Variants in BBS9 observed in about 807,000 individuals in gnomAD.
BBS9 encodes protein PTHB1.
In BBS9, 89 loss-of-function variants were observed where a neutral mutation model predicts 117.7. The observed-to-expected ratio is 0.76, with a 90% CI of 0.64 to 0.90. The LOEUF is 0.90. Ranked by LOEUF, BBS9 falls within the 40% of genes least tolerant of loss-of-function variation. The pLI is 0.00. For synonymous variants in BBS9, 379 were observed against 370.9 expected, an observed-to-expected ratio of 1.02 and a Z score of -0.25; for missense variants, 982 against 1,042.2, an observed-to-expected ratio of 0.94 and a Z score of 0.80.
intron 9 of BBS9, among the ~76,000 whole-genome samples, chr7:33,290,058 A>T (rs1279703226): frequency 6.7e-6 from 1 of 149,874 alleles, no homozygotes; most frequent in African/African-American, 2.4e-5. Flanking sequence ...AAAAAAAAAA[A>T]ATTTTTTTAG....
chr7:33,567,797 G>A lies in BBS9; in HGVS notation c.2521+33621G>A, dbSNP rs544481121. 5.9e-5 allele frequency among the ~76,000 whole-genome samples: 9 copies of A among 152,082 alleles called. No homozygotes were observed. In the South Asian group the frequency reaches 6.3e-4, roughly 11 times the overall value. ...CTGAAGTCATTATCTTCCATACCCC[G>A]TCTTACCCCAAAACCTACTTCTCTT... On this transcript the variant is annotated intron_variant, in intron 21 of 22. Coordinates refer to ENST00000242067, the MANE Select transcript of BBS9 (RefSeq NM_198428.3).
At chr7:33,611,726 A>C (rs1268956084) in intron 21 of BBS9, among the ~76,000 whole-genome samples, 3 of 139,454 alleles carry the variant, frequency 2.2e-5, no homozygotes, top group Non-Finnish European at 4.6e-5. Context: ...TATATATAAT[A>C]TTAAAGGATT....
chr7:33,423,601 A>G (rs542826750), intron 19 of BBS9, among the ~76,000 whole-genome samples: 36 of 151,686 alleles, frequency 2.4e-4, no homozygotes, highest in African/African-American at 8.7e-4. Context: ...CAGCAACACA[A>G]TTCAGAGTCA....
chr7:33,379,518 T>C (rs1000673837), intron 17 of BBS9, among the ~76,000 whole-genome samples: 1 of 152,188 alleles, frequency 6.6e-6, no homozygotes, highest in African/African-American at 2.4e-5. Context: ...ACTGAATGAA[T>C]TGAATTTTCT....
chr7:33,630,291 C>CA (rs1471469280), intron 21 of BBS9, among the ~76,000 whole-genome samples: 2 of 151,728 alleles, frequency 1.3e-5, no homozygotes, highest in Non-Finnish European at 1.5e-5. Flanking sequence ...TGAAACAGAA[C>CA]AAAAAATAAA....
chr7:33,222,719 G>A (rs1790481602), intron 5 of BBS9, among the ~76,000 whole-genome samples: 1 of 151,882 alleles, frequency 6.6e-6, no homozygotes, highest in South Asian at 2.1e-4. Context: ...AGGCTGAGGT[G>A]GGTGGATCAC....
chr7:33,183,100 G>A (rs535137485), intron 5 of BBS9, among the ~76,000 whole-genome samples: 49 of 152,196 alleles, frequency 3.2e-4, no homozygotes, highest in African/African-American at 1.2e-3. Flanking sequence ...GAAATCTCTC[G>A]CATAATATGA....
chr7:33,443,180 T>G (rs1229690493), intron 19 of BBS9, among the ~76,000 whole-genome samples: 1 of 152,136 alleles, frequency 6.6e-6, no homozygotes, highest in African/African-American at 2.4e-5. Flanking sequence ...GAACTTGTTT[T>G]AAGCCAAATA....
intron 21 of BBS9, among the ~76,000 whole-genome samples, chr7:33,556,527 C>A (rs1018060888): frequency 6.6e-6 from 1 of 152,160 alleles, no homozygotes; most frequent in African/African-American, 2.4e-5. Flanking sequence ...ATTTTCCCAG[C>A]TGTTTAAATG....
intron 21 of BBS9, among the ~76,000 whole-genome samples, chr7:33,552,116 ATAT>A (rs1285619873): frequency 2.6e-5 from 4 of 152,130 alleles, no homozygotes; most frequent in Admixed American, 1.3e-4. Flanking sequence ...AAGAATTTTC[ATAT>A]TATTGTTTTA....
intron 11 of BBS9, among the ~76,000 whole-genome samples, chr7:33,344,271 C>T (rs1040227408): frequency 5.3e-5 from 8 of 151,048 alleles, no homozygotes; most frequent in African/African-American, 9.7e-5. Context: ...TTAGTAGAGA[C>T]GGGGTTTCAC....
At chr7:33,172,732 A>G (rs1397904245) in intron 4 of BBS9, among the ~76,000 whole-genome samples, 6 of 152,180 alleles carry the variant, frequency 3.9e-5, no homozygotes, top group African/African-American at 1.2e-4. Context: ...ACAAATTTGC[A>G]TTTCTAAAAT....
At chr7:33,232,325 G>T (rs1163055850) in intron 5 of BBS9, among the ~76,000 whole-genome samples, 2 of 152,020 alleles carry the variant, frequency 1.3e-5, no homozygotes, top group Non-Finnish European at 2.9e-5. Flanking sequence ...GAAAAATGCA[G>T]AAACTTATTA....
intron 21 of BBS9, among the ~76,000 whole-genome samples, chr7:33,621,796 T>C (rs893961696): frequency 1.3e-5 from 2 of 152,198 alleles, no homozygotes; most frequent in African/African-American, 4.8e-5. Flanking sequence ...GAAAATGTGG[T>C]AGTACATACA....
rs1459614187 is a variant in BBS9 at position 33,367,798 on chromosome 7, G to T, written c.1725G>T (p.Val575=). 6.2e-7 allele frequency: 1 copy of T among 1,613,772 alleles called. No individual in the cohort carries two copies. Residue 575 remains valine, a synonymous_variant, in exon 17 of 23, where the codon GTG becomes GTT. Coordinates refer to ENST00000242067, the MANE Select transcript of BBS9 (RefSeq NM_198428.3). The stretch of plus-strand genomic sequence containing the variant: ...CCAGTCAGTCAGATGATGATCAGGT[G>T]AATGTAATGGGTTTTCACTTCTTAG... The part of the protein sequence containing the change: ...GFASQSDDDQ[V]NVMGFHFLGG...
intron 5 of BBS9, among the ~76,000 whole-genome samples, chr7:33,227,113 C>T (rs1791427851): frequency 6.6e-6 from 1 of 151,330 alleles, no homozygotes. Flanking sequence ...AAAGCTGTGT[C>T]AAGAATGATA....
intron 5 of BBS9, among the ~76,000 whole-genome samples, chr7:33,182,650 A>T (rs544168248): frequency 6.6e-6 from 1 of 152,286 alleles, no homozygotes; most frequent in South Asian, 2.1e-4. Flanking sequence ...TTTTTTTATA[A>T]TATTTAAGTG....
intron 19 of BBS9, among the ~76,000 whole-genome samples, chr7:33,492,230 A>G (rs1049221652): frequency 4.0e-5 from 6 of 151,552 alleles, no homozygotes; most frequent in African/African-American, 1.2e-4. Context: ...AAAAACAAAA[A>G]AAAAACTTGG....
At chr7:33,461,449 T>G (rs962385535) in intron 19 of BBS9, among the ~76,000 whole-genome samples, 1 of 151,852 alleles carries the variant, frequency 6.6e-6, no homozygotes, top group Non-Finnish European at 1.5e-5. Flanking sequence ...CTTTAACATA[T>G]CCACCACTTT....
Sources: gnomAD v4.1 joint callset for allele counts (sites outside exome capture counted in the v4.1 genomes callset) on GRCh38, gnomAD v4.1.1 for gene constraint, MANE v1.5 for transcripts, NCBI Gene and HGNC (gene_info 2026-07-23, HGNC 2026-07-21) for gene names.